Variants in SNX10 observed in about 807,000 individuals in gnomAD.
SNX10 encodes sorting nexin-10.
SNX10 carries 25 observed loss-of-function variants against 28.5 expected under a neutral mutation model. The observed-to-expected ratio is 0.88, with a 90% CI of 0.64 to 1.22. The LOEUF (loss-of-function observed/expected upper bound fraction) is 1.22, where lower values mean the gene tolerates loss of function less well. Among genes scored for constraint, SNX10 ranks in the 50% most tolerant of loss-of-function variants. SNX10 has a pLI of 0.00. For missense variants in SNX10, 223 were observed against 242.6 expected, an observed-to-expected ratio of 0.92 and a Z score of 0.54; for synonymous variants, 62 against 81.4, an observed-to-expected ratio of 0.76 and a Z score of 1.28.
chr7:26,367,020 A>G (rs1223091438), intron 5 of SNX10, among the ~76,000 whole-genome samples: 3 of 152,078 alleles, frequency 2.0e-5, no homozygotes, highest in Non-Finnish European at 4.4e-5. Context: ...TCCCATAATC[A>G]TGGTTCCTGG....
At chr7:26,303,492 G>A (rs1047970644) in intron 1 of SNX10, among the ~76,000 whole-genome samples, 1 of 152,034 alleles carries the variant, frequency 6.6e-6, no homozygotes, top group African/African-American at 2.4e-5. Context: ...CAGTCTTTCA[G>A]GCTCCTCCGA....
intron 1 of SNX10, among the ~76,000 whole-genome samples, chr7:26,292,903 A>G (rs1310206602): frequency 2.0e-5 from 3 of 152,182 alleles, no homozygotes; most frequent in African/African-American, 7.2e-5. Flanking sequence ...CAGGCCTACA[A>G]CCTGGCAGGC....
chr7:26,349,461 TGTTA>T (rs1435720525), intron 2 of SNX10, among the ~76,000 whole-genome samples: 1 of 152,120 alleles, frequency 6.6e-6, no homozygotes, highest in African/African-American at 2.4e-5. Context: ...GAATCTCCCT[TGTTA>T]GTTAAGCATG....
chr7:26,298,555 C>T (rs531291645), intron 1 of SNX10, among the ~76,000 whole-genome samples: 22 of 152,304 alleles, frequency 1.4e-4, no homozygotes, highest in African/African-American at 5.3e-4. Context: ...TTAAAGTTTG[C>T]ATACTTTCTG....
intron 1 of SNX10, among the ~76,000 whole-genome samples, chr7:26,302,133 CT>C (rs1443710480): frequency 6.6e-6 from 1 of 152,140 alleles, no homozygotes; most frequent in Non-Finnish European, 1.5e-5. Flanking sequence ...TTTTCATCTC[CT>C]TTTTTTCCAA....
At chr7:26,317,863 A>G (rs1787152265) in intron 1 of SNX10, among the ~76,000 whole-genome samples, 2 of 152,038 alleles carry the variant, frequency 1.3e-5, no homozygotes, top group Admixed American at 1.3e-4. Context: ...GGGTTTCACC[A>G]TATTGGCCAG....
chr7:26,343,155 C>G (rs552627940), intron 1 of SNX10, among the ~76,000 whole-genome samples: 1 of 152,312 alleles, frequency 6.6e-6, no homozygotes, highest in South Asian at 2.1e-4. Flanking sequence ...GGCCAATTAT[C>G]AGACTCCTAT....
At chr7:26,337,037 GA>G (rs1354733583) in intron 1 of SNX10, among the ~76,000 whole-genome samples, 28 of 152,138 alleles carry the variant, frequency 1.8e-4, no homozygotes, top group African/African-American at 6.8e-4. Context: ...TTATCTTTCA[GA>G]AATATTGAAA....
rs1789224366 is a variant in SNX10, at chr7:26,364,812, A to G, written c.212+177A>G. On this transcript the variant is annotated intron_variant, in intron 4 of 6. Transcript: ENST00000338523. This position sits in a 1 kb window ranked among gnomAD's most constrained non-coding sequence, Gnocchi z 4.9. ...ATTTAAAATTTATCACTTAAATTTC[A>G]CCAACTTTGATGGGTATAGGCCATG... Among the ~76,000 whole-genome samples, 1 of 152,190 alleles carries G rather than the reference A, an allele frequency of 6.6e-6. No individual in the cohort carries two copies. The highest frequency in any genetic ancestry group is 2.4e-5 in the African/African-American group (1 of 41,430).
At chr7:26,350,939 C>A (rs564116545) in intron 2 of SNX10, among the ~76,000 whole-genome samples, 14 of 147,422 alleles carry the variant, frequency 9.5e-5, no homozygotes, top group Non-Finnish European at 8.9e-5. Flanking sequence ...GAAAGATCTT[C>A]ATTCCTTTTT....
chr7:26,344,048 A>G (rs1203659992), intron 1 of SNX10, among the ~76,000 whole-genome samples: 1 of 152,070 alleles, frequency 6.6e-6, no homozygotes, highest in African/African-American at 2.4e-5. Context: ...GGATGTTCAC[A>G]TTGTTGTGCC....
chr7:26,362,736 T>C (rs905250300), intron 3 of SNX10, among the ~76,000 whole-genome samples: 23 of 152,216 alleles, frequency 1.5e-4, no homozygotes, highest in African/African-American at 5.5e-4. Context: ...AGCTGGTCTT[T>C]AACTTGTTTA....
intron 5 of SNX10, 138 bp from the exon 6 acceptor site, chr7:26,371,683 G>A: frequency 1.6e-6 from 1 of 625,514 alleles, no homozygotes; most frequent in Non-Finnish European, 2.8e-6. Context: ...CCCTTAATGG[G>A]CAGAGCCCAT....
chr7:26,331,890 C>A (rs557823285), intron 1 of SNX10, among the ~76,000 whole-genome samples: 1 of 152,284 alleles, frequency 6.6e-6, no homozygotes, highest in East Asian at 1.9e-4. Context: ...GTTTCTTTCA[C>A]TTATTGTAAT....
intron 1 of SNX10, among the ~76,000 whole-genome samples, chr7:26,307,901 C>T (rs889242095): frequency 6.6e-6 from 1 of 152,140 alleles, no homozygotes; most frequent in Non-Finnish European, 1.5e-5. Flanking sequence ...TGATGAAGCT[C>T]ATGGCTTGTA....
Position 26,352,134 on chromosome 7 carries a change from T to C in SNX10, c.24+5668T>C, listed in dbSNP as rs73683295. ...TCTCTATATCTAAAACTGTTTAAAA[T>C]AAAAAGTTTATTTTAAAACAAATAT... is the stretch of plus-strand genomic sequence containing the variant. On this transcript the variant is annotated intron_variant, in intron 2 of 6. Transcript: ENST00000338523. Among the ~76,000 whole-genome samples the C allele has an allele frequency of 4.6e-3, 697 of 152,216 alleles. 4 individuals are homozygous for C. Among genetic ancestry groups the C allele is most frequent in the African/African-American group, 0.016 (668 of 41,510 alleles).
At position 26,372,173 on chromosome 7, in the gene SNX10, G is replaced by T. The variant is rs537315507; in HGVS notation, c.524+140G>T. ...GATAATGAAAAAATTAATTGACTGA[G>T]ATTTTATTGAGCTGTGACAGCTCAT... On this transcript the variant is annotated intron_variant, in intron 6 of 6. Coordinates refer to ENST00000338523, the MANE Select transcript of SNX10 (RefSeq NM_013322.3). The T allele has an allele frequency of 1.4e-5, 9 of 637,664 alleles. No individual in the cohort carries two copies. In the East Asian group the frequency reaches 2.5e-4, roughly 18 times the overall value. 39.5% of individuals were successfully genotyped at this position (637,664 alleles called of 1,614,324 possible). A position where few individuals can be genotyped will look rare whatever the true frequency, so the allele number is the denominator to read the frequency against.
intron 1 of SNX10, among the ~76,000 whole-genome samples, chr7:26,322,448 A>G (rs1163819837): frequency 6.6e-6 from 1 of 152,208 alleles, no homozygotes; most frequent in East Asian, 1.9e-4. Flanking sequence ...GAGAGATTCT[A>G]GCTACATAAA....
intron 2 of SNX10, among the ~76,000 whole-genome samples, chr7:26,350,850 GCTGTTACCATT>G (rs1287152556): frequency 6.6e-6 from 1 of 152,200 alleles, no homozygotes; most frequent in African/African-American, 2.4e-5. Flanking sequence ...TTCAGAGAAG[GCTGTTACCATT>G]CTGAGCGCTA....
Sources: gnomAD v4.1 joint callset for allele counts (sites outside exome capture counted in the v4.1 genomes callset) on GRCh38, gnomAD v4.1.1 for gene constraint, Gnocchi (gnomAD v3.1) non-coding constraint, MANE v1.5 for transcripts, NCBI Gene and HGNC (gene_info 2026-07-23, HGNC 2026-07-21) for gene names.